The following ANKRD61 variants were observed in gnomAD, a reference collection of about 807,000 sequenced individuals.
ANKRD61 encodes the protein ankyrin repeat domain-containing protein 61.
In ANKRD61, 7 loss-of-function variants were observed where a neutral mutation model predicts 8.4. That is an observed-to-expected ratio of 0.84 (90% CI 0.48 to 1.57). ANKRD61 has a LOEUF of 1.57. ANKRD61 is among the 40% of genes most tolerant of loss of function. ANKRD61 has a pLI of 0.00. For synonymous variants in ANKRD61, 198 were observed against 208.0 expected (o/e 0.95, Z 0.41); for missense variants, 516 against 523.4 (o/e 0.99, Z 0.14).
chr7:6,034,436 C>A (rs779175711), intron 2 of ANKRD61, among the ~76,000 whole-genome samples: 4 of 152,118 alleles, frequency 2.6e-5, no homozygotes, highest in Non-Finnish European at 5.9e-5. Flanking sequence ...TCTGGAAGTC[C>A]CTTCCACATC....
In ANKRD61 at chr7:6,035,898, G is replaced by C. The variant is rs1250560906; in HGVS notation, c.769G>C (p.Gly257Arg). ...SSKAGRLLGAGVSCIRLLLTH... is the reference protein window; with the variant it reads ...SSKAGRLLGARVSCIRLLLTH... ...CAAAGCAGGCCGACTCCTCGGGGCG[G>C]GGGTCAGCTGCATCCGTCTGCTACT... The change falls in exon 3 of 3, where the codon GGG (glycine) becomes CGG (arginine). Residue 257 changes from glycine to arginine, a missense_variant. By Grantham distance (125) the Gly-to-Arg change is moderately radical (BLOSUM62 -2). Transcript: ENST00000409061. This position sits in a 1 kb window ranked among gnomAD's most constrained non-coding sequence, Gnocchi z 5.5. The C allele has an allele frequency of 6.5e-7, 1 of 1,546,750 alleles. No homozygotes were observed. The highest frequency in any genetic ancestry group is 2.0e-5 in the Admixed American group (1 of 50,786).
rs1289654739 is a variant in ANKRD61, at chr7:6,033,377, A to G, written c.314+441A>G. On this transcript the variant is annotated intron_variant, in intron 2 of 2. Coordinates refer to ENST00000409061, the MANE Select transcript of ANKRD61 (RefSeq NM_001271700.2). The surrounding 1 kb of genome is among the most constrained non-coding windows in gnomAD (Gnocchi z 4.4). ...ACTTGTTCGTTCTTATGAATGAACCAATGTCTTTACTGAGTAGATGAGATA... is the reference window on the plus strand; with the variant it reads ...ACTTGTTCGTTCTTATGAATGAACCGATGTCTTTACTGAGTAGATGAGATA... Among the ~76,000 whole-genome samples, 3 of 152,296 alleles carry G rather than the reference A, an allele frequency of 2.0e-5. No individual in the cohort carries two copies. Among genetic ancestry groups the G allele is most frequent in the South Asian group, 2.1e-4 (1 of 4,826 alleles).
In ANKRD61 at chr7:6,032,104, G is replaced by A. The variant is rs895612704; in HGVS notation, c.216+513G>A. On this transcript the variant is annotated intron_variant, in intron 1 of 2. Coordinates refer to ENST00000409061, the MANE Select transcript of ANKRD61 (RefSeq NM_001271700.2). The surrounding 1 kb of genome is among the most constrained non-coding windows in gnomAD (Gnocchi z 4.3). ...CAGGAGAATTGCTTGAACCCAGGAG[G>A]CAGAGGTTGCAGTGAGCCAAGATCG... is the stretch of plus-strand genomic sequence containing the variant. Among the ~76,000 whole-genome samples the A allele has an allele frequency of 1.3e-5, 2 of 152,172 alleles. No homozygotes were observed. The highest frequency in any genetic ancestry group is 4.8e-5 in the African/African-American group (2 of 41,450).
chr7:6,035,570 A>G lies in ANKRD61; in HGVS notation c.441A>G (p.Thr147=). ...CAGACATTCAGAATAGCAGCATCAC[A>G]TGTCTCCGCATCTTGTGTGCGCACG... ...ILTDIQNSSI[T]CLRILCAHGA... is the part of the protein sequence containing the mutation. Residue 147 remains threonine (T), a synonymous_variant, in exon 3 of 3, where the codon ACA becomes ACG. Coordinates refer to ENST00000409061, the MANE Select transcript of ANKRD61 (RefSeq NM_001271700.2). This position sits in a 1 kb window ranked among gnomAD's most constrained non-coding sequence, Gnocchi z 5.5. The G allele has an allele frequency of 3.2e-6, 5 of 1,551,126 alleles. No homozygotes were observed. Among genetic ancestry groups the G allele is most frequent in the Non-Finnish European group, 4.4e-6 (5 of 1,147,100 alleles).
rs775470778 is a variant in ANKRD61, at chr7:6,036,224, C to A, written c.1095C>A (p.Thr365=). 2 of 1,550,000 alleles carry A rather than the reference C, an allele frequency of 1.3e-6. No homozygotes were observed. Among genetic ancestry groups the A allele is most frequent in the East Asian group, 2.4e-5 (1 of 40,910 alleles). Reference sequence around the variant, plus strand: ...CAGAATTCCGCCTCTTAAGGGACACCCTAATAAAGCAATCGCAAAAACCTT... The same window carrying A: ...CAGAATTCCGCCTCTTAAGGGACACACTAATAAAGCAATCGCAAAAACCTT... ...MLPEFRLLRD[T]LIKQSQKPLS... Residue 365 remains threonine, a synonymous_variant, in exon 3 of 3, where the codon ACC becomes ACA. Coordinates refer to ENST00000409061, the MANE Select transcript of ANKRD61 (RefSeq NM_001271700.2). The surrounding 1 kb of genome is among the most constrained non-coding windows in gnomAD (Gnocchi z 4.6).
Position 6,035,632 on chromosome 7 carries a change from A to C in ANKRD61, c.503A>C (p.Lys168Thr). ...AACACTCAAGGGGAAATCAGCAACA[A>C]ACGTTCACCACTCCACCTGGCCATA... The part of the protein sequence containing the change: ...QVNTQGEISN[K>T]RSPLHLAIAY... Residue 168 changes from lysine to threonine, a missense_variant, in exon 3 of 3, where the codon AAA (lysine) becomes ACA (threonine). By Grantham distance (78) the Lys-to-Thr change is moderately conservative. Coordinates refer to ENST00000409061, the MANE Select transcript of ANKRD61 (RefSeq NM_001271700.2). The surrounding 1 kb of genome is among the most constrained non-coding windows in gnomAD (Gnocchi z 5.5). The C allele has an allele frequency of 6.4e-7, 1 of 1,550,724 alleles. No homozygotes were observed. The highest frequency in any genetic ancestry group is 8.7e-7 in the Non-Finnish European group (1 of 1,147,060).
rs141672912 is a variant in ANKRD61, at chr7:6,035,397, G to A, written c.315-47G>A. On this transcript the variant is annotated intron_variant, in intron 2 of 2. Transcript: ENST00000409061. The surrounding 1 kb of genome is among the most constrained non-coding windows in gnomAD (Gnocchi z 5.5). Reference sequence around the variant, plus strand: ...AAGCATTAACTGTCCACGTAGAGCCGTTCCCACTGTGAATTCAGTGTAACG... The same window carrying A: ...AAGCATTAACTGTCCACGTAGAGCCATTCCCACTGTGAATTCAGTGTAACG... The A allele has an allele frequency of 5.9e-5, 88 of 1,500,658 alleles. No individual in the cohort carries two copies. The highest frequency in any genetic ancestry group is 1.5e-4 in the East Asian group (6 of 40,380). 93.0% of individuals were successfully genotyped at this position (1,500,658 alleles called of 1,614,324 possible). A position where few individuals can be genotyped will look rare whatever the true frequency, so the allele number is the denominator to read the frequency against.
rs1000966395 is a variant in ANKRD61 at position 6,033,220 on chromosome 7, C to A, written c.314+284C>A. Among the ~76,000 whole-genome samples, 1 of 152,160 alleles carries A rather than the reference C, an allele frequency of 6.6e-6. No homozygotes were observed. Among genetic ancestry groups the A allele is most frequent in the Non-Finnish European group, 1.5e-5 (1 of 68,026 alleles). On this transcript the variant is annotated intron_variant, in intron 2 of 2. Coordinates refer to ENST00000409061, the MANE Select transcript of ANKRD61 (RefSeq NM_001271700.2). The surrounding 1 kb of genome is among the most constrained non-coding windows in gnomAD (Gnocchi z 4.4). The stretch of plus-strand genomic sequence containing the variant: ...CTGGCCTCAAGTGATCCACCTGCCT[C>A]GGCCTCCCAAAGTGCTGGGATTAAC...
rs533672646 is a variant in ANKRD61 at position 6,036,091 on chromosome 7, G to C, written c.962G>C (p.Arg321Pro). 4 of 1,550,800 alleles carry C rather than the reference G, an allele frequency of 2.6e-6. No homozygotes were observed. The highest frequency in any genetic ancestry group is 2.4e-5 in the East Asian group (1 of 40,914). The part of the protein sequence containing the change: ...GESPIYMYLQ[R>P]SCNVRDTALL... ...TCTCCAATTTATATGTACCTTCAGC[G>C]CAGTTGCAATGTAAGAGATACGGCA... The change falls in exon 3 of 3, where the codon CGC (arginine) becomes CCC (proline). Residue 321 changes from arginine to proline, a missense_variant. By Grantham distance (103) the Arg-to-Pro change is moderately radical (BLOSUM62 -2). Coordinates refer to ENST00000409061, the MANE Select transcript of ANKRD61 (RefSeq NM_001271700.2). This position sits in a 1 kb window ranked among gnomAD's most constrained non-coding sequence, Gnocchi z 4.6.
Position 6,035,687 on chromosome 7 carries a change from T to C in ANKRD61, c.558T>C (p.Ile186=). ...IAYGCYPVLS[I]LTQNGADVNA... ...ATGGTTGCTATCCAGTTCTCTCCAT[T>C]TTGACCCAAAATGGTGCCGATGTCA... is the stretch of plus-strand genomic sequence containing the variant. The change falls in exon 3 of 3, where the codon ATT becomes ATC. Residue 186 remains isoleucine (I), a synonymous_variant. Transcript: ENST00000409061. The surrounding 1 kb of genome is among the most constrained non-coding windows in gnomAD (Gnocchi z 5.5). The C allele has an allele frequency of 6.4e-7, 1 of 1,550,636 alleles. No individual in the cohort carries two copies. Among genetic ancestry groups the C allele is most frequent in the Non-Finnish European group, 8.7e-7 (1 of 1,147,058 alleles).
rs1403852452 is a variant in ANKRD61, at chr7:6,035,893, G to A, written c.764G>A (p.Gly255Glu). Residue 255 changes from glycine to glutamate, a missense_variant, in exon 3 of 3, where the codon GGG becomes GAG. Gly to Glu is a moderately conservative substitution (Grantham distance 98, BLOSUM62 -2). Coordinates refer to ENST00000409061, the MANE Select transcript of ANKRD61 (RefSeq NM_001271700.2). This position sits in a 1 kb window ranked among gnomAD's most constrained non-coding sequence, Gnocchi z 5.5. The part of the protein sequence containing the change: ...TASSKAGRLL[G>E]AGVSCIRLLL... ...TCAAGCAAAGCAGGCCGACTCCTCG[G>A]GGCGGGGGTCAGCTGCATCCGTCTG... 6.5e-7 allele frequency: 1 copy of A among 1,546,658 alleles called. No individual in the cohort carries two copies. The highest frequency in any genetic ancestry group is 1.4e-5 in the African/African-American group (1 of 72,950).
At position 6,035,930 on chromosome 7, in the gene ANKRD61, C is replaced by T. The variant is rs1011274220; in HGVS notation, c.801C>T (p.His267=). The part of the protein sequence containing the change: ...GVSCIRLLLT[H]GAKVNAQDYK... Reference sequence around the variant, plus strand: ...GCTGCATCCGTCTGCTACTCACTCACGGAGCCAAAGTCAACGCCCAGGACT... The same window carrying T: ...GCTGCATCCGTCTGCTACTCACTCATGGAGCCAAAGTCAACGCCCAGGACT... Residue 267 remains histidine (H), a synonymous_variant, in exon 3 of 3, where the codon CAC becomes CAT. Transcript: ENST00000409061. This position sits in a 1 kb window ranked among gnomAD's most constrained non-coding sequence, Gnocchi z 5.5. The T allele has an allele frequency of 5.5e-5, 85 of 1,546,934 alleles. No homozygotes were observed. Among genetic ancestry groups the T allele is most frequent in the Admixed American group, 2.0e-4 (10 of 50,786 alleles).
Position 6,031,397 on chromosome 7 carries a change from G to A in ANKRD61, c.22G>A (p.Gly8Arg), listed in dbSNP as rs190465246. 7,672 of 1,550,692 alleles carry A rather than the reference G, an allele frequency of 4.9e-3. 40 individuals are homozygous for A. Among genetic ancestry groups the A allele is most frequent in the South Asian group, 8.2e-3 (688 of 84,058 alleles). The part of the protein sequence containing the change: MGNITRK[G>R]SRDLVVDSAK... ...TCTCATGGGGAATATAACCAGGAAAGGAAGCAGAGACCTGGTGGTTGACAG... is the reference window on the plus strand; with the variant it reads ...TCTCATGGGGAATATAACCAGGAAAAGAAGCAGAGACCTGGTGGTTGACAG... The change falls in exon 1 of 3, where the codon GGA becomes AGA. Residue 8 changes from glycine (G) to arginine (R), a missense_variant. By Grantham distance (125) the Gly-to-Arg change is moderately radical (BLOSUM62 -2). Transcript: ENST00000409061.
rs1002698395 is a variant in ANKRD61 at position 6,032,065 on chromosome 7, T to G, written c.216+474T>G. Among the ~76,000 whole-genome samples the G allele has an allele frequency of 6.6e-6, 1 of 152,014 alleles. No individual in the cohort carries two copies. Among genetic ancestry groups the G allele is most frequent in the Non-Finnish European group, 1.5e-5 (1 of 68,032 alleles). ...GGCAGGAGCCTGTAATCTCAGCTAC[T>G]CGGACGGCTGAGGCAGGAGAATTGC... On this transcript the variant is annotated intron_variant, in intron 1 of 2. Transcript: ENST00000409061. This position sits in a 1 kb window ranked among gnomAD's most constrained non-coding sequence, Gnocchi z 4.3.
In ANKRD61 at chr7:6,031,587, C is replaced by T; in HGVS notation, c.212C>T (p.Thr71Ile). 1 of 1,550,688 alleles carries T rather than the reference C, an allele frequency of 6.4e-7. No homozygotes were observed. Among genetic ancestry groups the T allele is most frequent in the African/African-American group, 1.4e-5 (1 of 73,154 alleles). ...PNSASNRLLLTQPTESIIPIH... is the reference protein window; with the variant it reads ...PNSASNRLLLIQPTESIIPIH... The stretch of plus-strand genomic sequence containing the variant: ...TCCGCCAGCAACAGATTACTTCTGA[C>T]CCAGGTACCCTCTTTTCTGCTCAGT... Residue 71 changes from threonine (T) to isoleucine (I), a missense_variant, in exon 1 of 3, where the codon ACC becomes ATC. Thr to Ile is a moderately conservative substitution (Grantham distance 89). Transcript: ENST00000409061.
In ANKRD61 at chr7:6,035,832, G is replaced by A; in HGVS notation, c.703G>A (p.Gly235Arg). 6.5e-7 allele frequency: 1 copy of A among 1,549,228 alleles called. No individual in the cohort carries two copies. Among genetic ancestry groups the A allele is most frequent in the Non-Finnish European group, 8.7e-7 (1 of 1,145,790 alleles). The change falls in exon 3 of 3, where the codon GGG becomes AGG. Residue 235 changes from glycine to arginine, a missense_variant. By Grantham distance (125) the Gly-to-Arg change is moderately radical. Coordinates refer to ENST00000409061, the MANE Select transcript of ANKRD61 (RefSeq NM_001271700.2). The surrounding 1 kb of genome is among the most constrained non-coding windows in gnomAD (Gnocchi z 5.5). ...ANVNCAVSST[G>R]NTPLKLAVCT... The stretch of plus-strand genomic sequence containing the variant: ...CGTCAACTGTGCTGTCTCTTCCACG[G>A]GGAACACGCCCCTGAAGCTTGCAGT...
rs572563775 is a variant in ANKRD61, at chr7:6,036,254, C to T, written c.1125C>T (p.Ser375=). The change falls in exon 3 of 3, where the codon TCC becomes TCT. Residue 375 remains serine (S), a synonymous_variant. Coordinates refer to ENST00000409061, the MANE Select transcript of ANKRD61 (RefSeq NM_001271700.2). This position sits in a 1 kb window ranked among gnomAD's most constrained non-coding sequence, Gnocchi z 4.6. ...TAAAGCAATCGCAAAAACCTTTATC[C>T]CTACAGGGTATCTGCAAAAGAAACA... ...TLIKQSQKPL[S]LQGICKRNIR... 1 of 1,550,018 alleles carries T rather than the reference C, an allele frequency of 6.5e-7. No individual in the cohort carries two copies.
intron 2 of ANKRD61, among the ~76,000 whole-genome samples, chr7:6,034,125 G>A (rs1787999273): frequency 6.6e-6 from 1 of 151,630 alleles, no homozygotes; most frequent in Non-Finnish European, 1.5e-5. Context: ...AGACCAGCCT[G>A]GTGAAACCTC....
intron 1 of ANKRD61, among the ~76,000 whole-genome samples, chr7:6,031,985 C>T (rs910214594): frequency 8.5e-5 from 13 of 152,152 alleles, no homozygotes; most frequent in Non-Finnish European, 1.9e-4. Flanking sequence ...ACCAGCCTGG[C>T]CAGCAGGGCA....
Sources: gnomAD v4.1 joint callset for allele counts (sites outside exome capture counted in the v4.1 genomes callset) on GRCh38, gnomAD v4.1.1 for gene constraint, Gnocchi (gnomAD v3.1) non-coding constraint, MANE v1.5 for transcripts, NCBI Gene and HGNC (gene_info 2026-07-23, HGNC 2026-07-21) for gene names.